Variants in RHOBTB1 observed in about 807,000 individuals in gnomAD.
RHOBTB1 encodes the protein rho-related BTB domain-containing protein 1.
RHOBTB1 carries 40 observed loss-of-function variants against 71.6 expected under a neutral mutation model. That is an observed-to-expected ratio of 0.56 (90% CI 0.43 to 0.73). The LOEUF (loss-of-function observed/expected upper bound fraction) is 0.73, where lower values mean the gene tolerates loss of function less well. RHOBTB1 is among the 30% of genes least tolerant of loss of function. RHOBTB1 has a pLI of 0.00. For synonymous variants in RHOBTB1, 319 were observed against 334.9 expected (o/e 0.95, Z 0.52); for missense variants, 797 against 894.0 (o/e 0.89, Z 1.38).
At chr10:60,904,685 G>A (rs965974936) in intron 4 of RHOBTB1, among the ~76,000 whole-genome samples, 1 of 152,158 alleles carries the variant, frequency 6.6e-6, no homozygotes, top group Non-Finnish European at 1.5e-5. Flanking sequence ...AGTCTTCTAG[G>A]TACTGGCTAA....
At chr10:60,932,794 C>T (rs761310119) in intron 2 of RHOBTB1, among the ~76,000 whole-genome samples, 8 of 152,162 alleles carry the variant, frequency 5.3e-5, no homozygotes, top group Non-Finnish European at 1.2e-4. Context: ...ACTAAGCACT[C>T]ATTTGAGAAA....
At chr10:60,975,018 A>G (rs1377276390) in intron 2 of RHOBTB1, among the ~76,000 whole-genome samples, 1 of 152,038 alleles carries the variant, frequency 6.6e-6, no homozygotes, top group Admixed American at 6.6e-5. Context: ...AAATGACCTC[A>G]TTGATAACAA....
At chr10:60,975,474 G>C (rs1419451775) in intron 2 of RHOBTB1, among the ~76,000 whole-genome samples, 2 of 152,066 alleles carry the variant, frequency 1.3e-5, no homozygotes, top group Non-Finnish European at 2.9e-5. Context: ...TTACTCATAA[G>C]AGTTTTTAAG....
At chr10:60,868,729 T>C (rs117426226), downstream of RHOBTB1, among the ~76,000 whole-genome samples, 6 of 152,256 alleles carry the variant, frequency 3.9e-5, no homozygotes, top group Non-Finnish European at 5.9e-5. Flanking sequence ...TCCCTGATGA[T>C]TTGCCAGACA....
At chr10:60,873,849 G>T (rs2080917064) in intron 9 of RHOBTB1, among the ~76,000 whole-genome samples, 1 of 152,258 alleles carries the variant, frequency 6.6e-6, no homozygotes. Context: ...CTGGGGCAGA[G>T]GATCTACCAT....
At chr10:60,904,344 C>T (rs2082556578) in intron 4 of RHOBTB1, among the ~76,000 whole-genome samples, 1 of 152,102 alleles carries the variant, frequency 6.6e-6, no homozygotes, top group Non-Finnish European at 1.5e-5. Context: ...ATACGTATTC[C>T]CCATGAACCA....
intron 2 of RHOBTB1, among the ~76,000 whole-genome samples, chr10:60,925,607 A>C (rs895547919): frequency 6.6e-6 from 1 of 152,132 alleles, no homozygotes; most frequent in Non-Finnish European, 1.5e-5. Flanking sequence ...ATTGAGATAA[A>C]AATAGAAAAA....
At chr10:60,987,919 CTTTTTTTTTTTTTTT>C (rs71018937) in intron 1 of RHOBTB1, among the ~76,000 whole-genome samples, 970 of 53,774 alleles carry the variant, frequency 0.018, 26 homozygotes, top group African/African-American at 0.068. Flanking sequence ...AAATACTCAA[CTTTTTTTTTTTTTTT>C]TTTTTTTTTT....
intron 1 of RHOBTB1, among the ~76,000 whole-genome samples, chr10:60,991,271 T>A (rs10821865): frequency 0.55 from 82,749 of 151,788 alleles, 22,829 homozygotes; most frequent in East Asian, 0.73. Context: ...AAAAAAACGA[T>A]AAACAACAAA....
chr10:60,981,371 G>C (rs2086490466), intron 2 of RHOBTB1, among the ~76,000 whole-genome samples: 1 of 152,088 alleles, frequency 6.6e-6, no homozygotes, highest in Non-Finnish European at 1.5e-5. Flanking sequence ...ATTCTCTCAA[G>C]AGCCCTACAA....
intron 2 of RHOBTB1, among the ~76,000 whole-genome samples, chr10:60,982,491 T>A (rs1384697431): frequency 2.0e-5 from 3 of 152,208 alleles, no homozygotes; most frequent in Non-Finnish European, 2.9e-5. Flanking sequence ...TACCATTGAT[T>A]TTGTTGGCCA....
chr10:60,945,218 C>G (rs554675658), upstream of RHOBTB1, among the ~76,000 whole-genome samples: 5 of 152,176 alleles, frequency 3.3e-5, no homozygotes, highest in Admixed American at 3.3e-4. Context: ...CCCATCACTC[C>G]TAGCCTGTAA....
At chr10:60,898,568 G>A (rs2082266863) in intron 4 of RHOBTB1, among the ~76,000 whole-genome samples, 1 of 152,194 alleles carries the variant, frequency 6.6e-6, no homozygotes, top group Non-Finnish European at 1.5e-5. Flanking sequence ...TACTCATGGA[G>A]GATGGAGAGG....
At chr10:60,960,730 T>A (rs964426212) in intron 2 of RHOBTB1, among the ~76,000 whole-genome samples, 1 of 152,216 alleles carries the variant, frequency 6.6e-6, no homozygotes, top group Admixed American at 6.5e-5. Context: ...TTCTGTAGCC[T>A]CTTGGGCTGC....
chr10:60,896,033 C>T (rs2082145580), intron 4 of RHOBTB1, among the ~76,000 whole-genome samples: 1 of 152,186 alleles, frequency 6.6e-6, no homozygotes, highest in African/African-American at 2.4e-5. Flanking sequence ...TTCAGAATGC[C>T]ATTTATTCCC....
chr10:60,889,674 T>A (rs929012770), intron 5 of RHOBTB1, among the ~76,000 whole-genome samples: 1 of 152,184 alleles, frequency 6.6e-6, no homozygotes, highest in Admixed American at 6.5e-5. Flanking sequence ...CTGTCAGCCG[T>A]AACCACAGTA....
chr10:60,909,167 T>C (rs1589265134), intron 4 of RHOBTB1, among the ~76,000 whole-genome samples: 2 of 151,922 alleles, frequency 1.3e-5, no homozygotes, highest in South Asian at 4.2e-4. Flanking sequence ...TGTGGATCTA[T>C]GAAGGCCATC....
intron 2 of RHOBTB1, among the ~76,000 whole-genome samples, chr10:60,917,326 G>C (rs1490452882): frequency 6.6e-6 from 1 of 151,988 alleles, no homozygotes; most frequent in Non-Finnish European, 1.5e-5. Flanking sequence ...ATCCTACTGT[G>C]GCAGCTCTGT....
intron 2 of RHOBTB1, among the ~76,000 whole-genome samples, chr10:60,982,851 C>A (rs1157322761): frequency 6.6e-6 from 1 of 152,112 alleles, no homozygotes; most frequent in African/African-American, 2.4e-5. Flanking sequence ...TTGAAATTCA[C>A]ATGTGAATTT....
Sources: allele counts gnomAD v4.1 joint callset (sites outside exome capture counted in the v4.1 genomes callset), GRCh38; gene constraint gnomAD v4.1.1; transcripts MANE v1.5; gene names NCBI Gene and HGNC (gene_info 2026-07-23, HGNC 2026-07-21).